Variants in DAZL observed in about 807,000 individuals in gnomAD.
The protein encoded by DAZL is deleted in azoospermia-like.
DAZL carries 4 observed loss-of-function variants against 45.0 expected under a neutral mutation model. The ratio of observed to expected loss-of-function variants is 0.09; its 90% CI spans 0.04 to 0.20. DAZL has a LOEUF of 0.20. Among genes scored for constraint, DAZL ranks in the 10% least tolerant of loss-of-function variants. The pLI, the probability that DAZL is intolerant of heterozygous loss-of-function variation, is 1.00. For synonymous variants in DAZL, 122 were observed against 112.4 expected (o/e 1.09, Z -0.54); for missense variants, 326 against 351.3 (o/e 0.93, Z 0.58).
At chr3:16,595,268 C>T in intron 7 of DAZL, 46 bp downstream of exon 7, 1 of 1,114,384 alleles carries the variant, frequency 9.0e-7, no homozygotes, top group South Asian at 1.5e-5. Flanking sequence ...AGTTAAAGGC[C>T]TCAATAAAAT....
In DAZL at chr3:16,588,601, C is replaced by A; in HGVS notation, c.*59G>T. 7.5e-7 allele frequency: 1 copy of A among 1,336,450 alleles called. No homozygotes were observed. Among genetic ancestry groups the A allele is most frequent in the South Asian group, 1.2e-5 (1 of 85,470 alleles). The allele number at this position is 1,336,450 out of a possible 1,614,324, so 82.8% of individuals were successfully genotyped here. ...TTCAGAATTTCTATAATAGTGGAAA[C>A]CTTTTAGCTTAATATTCAAAACCAG... On this transcript the variant is annotated 3_prime_UTR_variant, in exon 11 of 11. Coordinates refer to ENST00000399444, the MANE Select transcript of DAZL (RefSeq NM_001351.4).
chr3:16,594,142 T>C (rs1694561715), intron 8 of DAZL, among the ~76,000 whole-genome samples: 1 of 152,230 alleles, frequency 6.6e-6, no homozygotes, highest in African/African-American at 2.4e-5. Context: ...TAACAGTAAT[T>C]AACAGCAAAA....
At chr3:16,600,877 G>C (rs1298669938) in intron 1 of DAZL, among the ~76,000 whole-genome samples, 1 of 152,176 alleles carries the variant, frequency 6.6e-6, no homozygotes, top group Non-Finnish European at 1.5e-5. Context: ...TTCTCAACTG[G>C]GGAAGATTTT....
At chr3:16,591,969 A>AAT in intron 10 of DAZL, 81 bp downstream of exon 10, 6 of 1,492,660 alleles carry the variant, frequency 4.0e-6, no homozygotes, top group Non-Finnish European at 5.6e-6. Flanking sequence ...GAAATCTCAA[A>AAT]ATACATATAC....
Position 16,604,466 on chromosome 3 carries a change from G to A in DAZL, c.3+737C>T, listed in dbSNP as rs73142539. On this transcript the variant is annotated intron_variant, in intron 1 of 10. Coordinates refer to ENST00000399444, the MANE Select transcript of DAZL (RefSeq NM_001351.4). ...TCGTGCGGCAAAGATGGCGTCAGGC[G>A]AGCTTTTCTGTCGCCGCCACACGAG... 2,310 of 1,531,296 alleles carry A rather than the reference G, an allele frequency of 1.5e-3. 30 individuals carry two copies. The African/African-American group carries it at 0.027, about 18-fold the overall frequency. The allele number at this position is 1,531,296 out of a possible 1,614,324, so 94.9% of individuals were successfully genotyped here.
chr3:16,600,220 G>T (rs915360677), intron 1 of DAZL, among the ~76,000 whole-genome samples: 7 of 152,066 alleles, frequency 4.6e-5, no homozygotes, highest in African/African-American at 1.7e-4. Context: ...ACAAAAGAAA[G>T]CAACTGTTAT....
At chr3:16,603,846 A>G (rs1221555591) in intron 1 of DAZL, among the ~76,000 whole-genome samples, 1 of 152,226 alleles carries the variant, frequency 6.6e-6, no homozygotes, top group African/African-American at 2.4e-5. Context: ...TATGCAATAC[A>G]TGCATAAAAA....
chr3:16,598,984 T>C (rs1339646433), intron 1 of DAZL, among the ~76,000 whole-genome samples: 4 of 152,066 alleles, frequency 2.6e-5, no homozygotes, highest in South Asian at 2.1e-4. Flanking sequence ...GGTTTCTCCA[T>C]GTTGGCCAGG....
At position 16,587,897 on chromosome 3, in the gene DAZL, A is replaced by C. The variant is rs962001483; in HGVS notation, c.*763T>G. On this transcript the variant is annotated 3_prime_UTR_variant, in exon 11 of 11. Transcript: ENST00000399444. ...GCCAAGTTTAGCATTTCAAAGAAAA[A>C]AGTTTTTACAAAAAAGAAGAATGGT... The C allele has an allele frequency of 6.5e-6, 1 of 153,144 alleles. No homozygotes were observed. The highest frequency in any genetic ancestry group is 2.4e-5 in the African/African-American group (1 of 41,464). The allele number at this position is 153,144 out of a possible 1,614,324, so 9.5% of individuals were successfully genotyped here.
intron 3 of DAZL, 135 bp from the exon 4 acceptor site, chr3:16,597,676 G>A (rs193270035): frequency 1.5e-6 from 1 of 668,922 alleles, no homozygotes; most frequent in African/African-American, 1.8e-5. Context: ...GTACATGATA[G>A]ATCCTCTACA....
At chr3:16,591,917 CTG>C in intron 10 of DAZL, 131 bp downstream of exon 10, 3 of 1,044,046 alleles carry the variant, frequency 2.9e-6, no homozygotes, top group South Asian at 2.8e-5. Flanking sequence ...CTCTGGTTTA[CTG>C]TGTTATAGTC....
intron 1 of DAZL, 31 bp downstream of exon 1, chr3:16,605,172 C>G (rs1015878439): frequency 2.9e-5 from 46 of 1,614,004 alleles, no homozygotes; most frequent in Non-Finnish European, 3.8e-5. Context: ...ACTCCGCCAG[C>G]CTTGCCCCTC....
chr3:16,597,303 T>C (rs2195155), intron 4 of DAZL, among the ~76,000 whole-genome samples, 187 bp downstream of exon 4: 31,333 of 152,106 alleles, frequency 0.21, 4,083 homozygotes, highest in Non-Finnish European at 0.3. Flanking sequence ...CTGTCTGTAG[T>C]TCATGAACCT....
intron 1 of DAZL, among the ~76,000 whole-genome samples, chr3:16,599,925 G>A (rs1694657684): frequency 6.6e-6 from 1 of 152,180 alleles, no homozygotes; most frequent in African/African-American, 2.4e-5. Context: ...GATAACATCT[G>A]TGAATTCATT....
intron 4 of DAZL, 100 bp from the exon 5 acceptor site, chr3:16,597,151 G>A: frequency 3.0e-6 from 4 of 1,335,096 alleles, no homozygotes; most frequent in Non-Finnish European, 4.2e-6. Flanking sequence ...TATTATCATA[G>A]AAGATCAGTG....
intron 4 of DAZL, 122 bp downstream of exon 4, chr3:16,597,368 G>T: frequency 1.2e-6 from 1 of 807,500 alleles, no homozygotes; most frequent in Non-Finnish European, 2.1e-6. Context: ...ATTCCTCTAA[G>T]TTTGGATTTT....
chr3:16,595,778 C>T (rs1245727802), intron 6 of DAZL, among the ~76,000 whole-genome samples: 1 of 151,994 alleles, frequency 6.6e-6, no homozygotes, highest in Non-Finnish European at 1.5e-5. Flanking sequence ...TTGTGTTTGA[C>T]AATATTATAG....
Position 16,598,238 on chromosome 3 carries a change from C to T in DAZL, c.151-60G>A, listed in dbSNP as rs1206588364. The T allele has an allele frequency of 8.1e-6, 12 of 1,488,414 alleles. No individual in the cohort carries two copies. In the South Asian group the frequency reaches 1.4e-4, roughly 17 times the overall value. 92.2% of individuals were successfully genotyped at this position (1,488,414 alleles called of 1,614,324 possible). On this transcript the variant is annotated intron_variant, in intron 2 of 10. Coordinates refer to ENST00000399444, the MANE Select transcript of DAZL (RefSeq NM_001351.4). ...TCAGCATTCAAAAATTTTAATTTTA[C>T]TAAAAGAAGGTTCGATGATGTGACA...
chr3:16,596,619 A>G, intron 6 of DAZL, 131 bp downstream of exon 6: 2 of 991,520 alleles, frequency 2.0e-6, no homozygotes, highest in South Asian at 1.5e-5. Flanking sequence ...AACAAAAGTA[A>G]TAAATTTCCC....
Sources: gnomAD v4.1 joint callset for allele counts (sites outside exome capture counted in the v4.1 genomes callset) on GRCh38, gnomAD v4.1.1 for gene constraint, MANE v1.5 for transcripts, NCBI Gene and HGNC (gene_info 2026-07-23, HGNC 2026-07-21) for gene names.